Variants in IPO11 observed in about 807,000 individuals in gnomAD.
IPO11 encodes importin-11.
In IPO11, 66 loss-of-function variants were observed where a neutral mutation model predicts 143.2. The ratio of observed to expected loss-of-function variants is 0.46; its 90% CI spans 0.38 to 0.57. IPO11 has a LOEUF of 0.57. Ranked by LOEUF, IPO11 falls within the 20% of genes least tolerant of loss-of-function variation. IPO11 has a pLI of 0.00. For missense variants in IPO11, 1,026 were observed against 1,141.0 expected, an observed-to-expected ratio of 0.90 and a Z score of 1.45; for synonymous variants, 385 against 377.8, an observed-to-expected ratio of 1.02 and a Z score of -0.22.
chr5:62,529,820 G>T (rs1488705847), intron 21 of IPO11, among the ~76,000 whole-genome samples: 1 of 152,074 alleles, frequency 6.6e-6, no homozygotes, highest in Non-Finnish European at 1.5e-5. Context: ...TTGTTTTGAG[G>T]GTTGGGGGAT....
At chr5:62,552,239 A>G (rs1743413167) in intron 26 of IPO11, among the ~76,000 whole-genome samples, 1 of 152,188 alleles carries the variant, frequency 6.6e-6, no homozygotes, top group African/African-American at 2.4e-5. Context: ...TGACGAATAT[A>G]TCTACAATGG....
chr5:62,588,004 G>A (rs2112421362), intron 27 of IPO11, among the ~76,000 whole-genome samples: 1 of 152,264 alleles, frequency 6.6e-6, no homozygotes, highest in South Asian at 2.1e-4. Context: ...CAATCACTAT[G>A]CAGGAGTCAC....
intron 7 of IPO11, among the ~76,000 whole-genome samples, chr5:62,471,741 G>A (rs1745778607): frequency 1.3e-5 from 2 of 152,088 alleles, no homozygotes; most frequent in Admixed American, 6.5e-5. Flanking sequence ...ATTAGTGTCA[G>A]TAGACTAATT....
chr5:62,572,960 C>T (rs1744189617), intron 27 of IPO11, among the ~76,000 whole-genome samples: 3 of 152,064 alleles, frequency 2.0e-5, no homozygotes, highest in Admixed American at 6.6e-5. Context: ...TCTCAAGTTC[C>T]GTTTGTTACG....
chr5:62,508,299 T>A (rs1449208295), intron 19 of IPO11, among the ~76,000 whole-genome samples: 2 of 101,198 alleles, frequency 2.0e-5, no homozygotes, highest in Non-Finnish European at 3.8e-5. Context: ...GCCTGGCTAA[T>A]TTTTTTTTTT....
At chr5:62,537,752 G>A (rs1399563502) in intron 24 of IPO11, among the ~76,000 whole-genome samples, 1 of 152,012 alleles carries the variant, frequency 6.6e-6, no homozygotes, top group East Asian at 1.9e-4. Flanking sequence ...TTGATATTCT[G>A]TAATTATGAA....
At chr5:62,475,437 A>G (rs1745923993) in intron 8 of IPO11, among the ~76,000 whole-genome samples, 1 of 152,110 alleles carries the variant, frequency 6.6e-6, no homozygotes, top group Non-Finnish European at 1.5e-5. Context: ...ATTGAGCCTG[A>G]GAGGTTGAGG....
intron 15 of IPO11, among the ~76,000 whole-genome samples, chr5:62,490,796 C>A (rs1397544562): frequency 3.9e-5 from 6 of 152,060 alleles, no homozygotes; most frequent in Admixed American, 6.6e-5. Flanking sequence ...CATTTTGTCA[C>A]CCAGCCTGGA....
intron 19 of IPO11, among the ~76,000 whole-genome samples, chr5:62,508,510 C>T (rs79824943): frequency 0.013 from 1,944 of 151,790 alleles, 35 homozygotes; most frequent in African/African-American, 0.044. Context: ...GTGCTTTCTT[C>T]TTCTTCTTCT....
At chr5:62,550,496 T>TA in intron 25 of IPO11, 34 bp downstream of exon 25, 3 of 1,394,914 alleles carry the variant, frequency 2.2e-6, no homozygotes, top group Non-Finnish European at 3.0e-6. Context: ...AAGGTAGTGT[T>TA]AGACTATAGG....
At chr5:62,523,225 G>A (rs1045993081) in intron 20 of IPO11, among the ~76,000 whole-genome samples, 2 of 151,714 alleles carry the variant, frequency 1.3e-5, no homozygotes, top group African/African-American at 4.8e-5. Flanking sequence ...AAATCCTCCT[G>A]TATCCTTTTA....
chr5:62,623,724 G>A (rs1360004064), intron 29 of IPO11, among the ~76,000 whole-genome samples: 1 of 146,632 alleles, frequency 6.8e-6, no homozygotes, highest in African/African-American at 2.5e-5. Flanking sequence ...TCGGCTCACT[G>A]CAGTCTCCGC....
At chr5:62,529,169 A>G (rs1306738857) in intron 21 of IPO11, among the ~76,000 whole-genome samples, 1 of 152,158 alleles carries the variant, frequency 6.6e-6, no homozygotes, top group Non-Finnish European at 1.5e-5. Context: ...AACATTTAAT[A>G]CAATAAATTA....
Position 62,484,032 on chromosome 5 carries a change from A to G in IPO11, c.1044A>G (p.Glu348=), listed in dbSNP as rs761282720. 4 of 1,605,824 alleles carry G rather than the reference A, an allele frequency of 2.5e-6. No homozygotes were observed. The highest frequency in any genetic ancestry group is 1.1e-5 in the South Asian group (1 of 88,712). The change falls in exon 11 of 30, where the codon GAA becomes GAG. Residue 348 remains glutamate (E), a synonymous_variant. Transcript: ENST00000325324. ...NFEDSSPETL[E]AHKIKMAFFT... is the part of the protein sequence containing the mutation. ...TAGATAGCAGCCCTGAAACTCTTGAAGCCCATAAGATTAAGATGGCATTCT... is the reference window on the plus strand; with the variant it reads ...TAGATAGCAGCCCTGAAACTCTTGAGGCCCATAAGATTAAGATGGCATTCT...
intron 24 of IPO11, among the ~76,000 whole-genome samples, chr5:62,541,281 T>C (rs905915418): frequency 6.7e-6 from 1 of 150,048 alleles, no homozygotes; most frequent in African/African-American, 2.5e-5. Context: ...TGAGGCAGGG[T>C]GATCGCTTGA....
rs1419546897 is a variant in IPO11, at chr5:62,480,930, TTTG to T, written c.829-2170_829-2168del. Among the ~76,000 whole-genome samples the T allele has an allele frequency of 1.0e-4, 13 of 127,560 alleles. 1 individual carries two copies. The highest frequency in any genetic ancestry group is 2.1e-4 in the African/African-American group (7 of 32,788). The allele number at this position is 127,560 out of a possible 152,430, so 83.7% of individuals were successfully genotyped here. ...CATTTTTTTTTTTTTTTTTTTTTTT[TTTG>T]GAGACAGAGTCTTGCTCTGTCGCCC... On this transcript the variant is annotated intron_variant, in intron 9 of 29. Coordinates refer to ENST00000325324, the MANE Select transcript of IPO11 (RefSeq NM_016338.5).
rs1745015255 is a variant in IPO11 at position 62,591,624 on chromosome 5, G to T, written c.2630G>T (p.Gly877Val). Residue 877 changes from glycine to valine, a missense_variant, in exon 28 of 30, where the codon GGC (glycine) becomes GTC (valine). Gly to Val is a moderately radical substitution (Grantham distance 109). This residue lies in a region of IPO11 where 351 missense variants were observed against 358.9 expected (regional missense o/e 0.98). Coordinates refer to ENST00000325324, the MANE Select transcript of IPO11 (RefSeq NM_016338.5). ...GGGATTATAAACATTTCAGTAGAAGGCCTGCATGATGTCATGACGGAAGAT... is the reference window on the plus strand; with the variant it reads ...GGGATTATAAACATTTCAGTAGAAGTCCTGCATGATGTCATGACGGAAGAT... Reference protein sequence around the residue: ...FCGIINISVEGLHDVMTEDPE... With the variant: ...FCGIINISVEVLHDVMTEDPE... 1 of 1,608,896 alleles carries T rather than the reference G, an allele frequency of 6.2e-7. No individual in the cohort carries two copies. Among genetic ancestry groups the T allele is most frequent in the Non-Finnish European group, 8.5e-7 (1 of 1,178,092 alleles).
At chr5:62,580,542 G>A (rs1358381456) in intron 27 of IPO11, 41 of 1,551,144 alleles carry the variant, frequency 2.6e-5, no homozygotes, top group Non-Finnish European at 3.6e-5. Flanking sequence ...GCAAACTTTT[G>A]GGCCTTCGAG....
In IPO11 at chr5:62,435,600, G is replaced by A. The variant is rs186039200; in HGVS notation, c.-6-1674G>A. On this transcript the variant is annotated intron_variant, in intron 1 of 29. Transcript: ENST00000325324. ...AATTTAAAATCTTAATCTGGGCTGC[G>A]CATGGTGGCTCGCGCCTGTAATCCC... 1.7e-3 allele frequency among the ~76,000 whole-genome samples: 251 copies of A among 151,524 alleles called. 1 individual carries two copies. Among genetic ancestry groups the A allele is most frequent in the East Asian group, 4.3e-3 (22 of 5,094 alleles).
Sources: gnomAD v4.1 joint callset for allele counts (sites outside exome capture counted in the v4.1 genomes callset) on GRCh38, gnomAD v4.1.1 for gene constraint, gnomAD v4.1.1 regional missense constraint, MANE v1.5 for transcripts, NCBI Gene and HGNC (gene_info 2026-07-23, HGNC 2026-07-21) for gene names.